The following DPH7 variants were observed in gnomAD, a reference collection of about 807,000 sequenced individuals.
The protein encoded by DPH7 is diphthamide biosynthesis 7.
In DPH7, 44 loss-of-function variants were observed where a neutral mutation model predicts 41.7. That is an observed-to-expected ratio of 1.05 (90% CI 0.83 to 1.36). The LOEUF (loss-of-function observed/expected upper bound fraction) is 1.36. Among genes scored for constraint, DPH7 ranks in the 40% most tolerant of loss-of-function variants. The probability of loss-of-function intolerance (pLI) is 0.00; values close to 1 mark genes in which losing one functional copy is unlikely to be tolerated. For synonymous variants in DPH7, 275 were observed against 238.0 expected, an observed-to-expected ratio of 1.16 and a Z score of -1.43; for missense variants, 629 against 577.5, an observed-to-expected ratio of 1.09 and a Z score of -0.91.
intron 6 of DPH7, 38 bp from the exon 7 acceptor site, chr9:137,564,996 C>T: frequency 6.2e-7 from 1 of 1,603,228 alleles, no homozygotes; most frequent in Non-Finnish European, 8.5e-7. Context: ...GTGTCCAGCA[C>T]ACAGACCCAC....
chr9:137,559,426 G>A (rs917975425), intron 8 of DPH7, among the ~76,000 whole-genome samples: 3 of 151,902 alleles, frequency 2.0e-5, no homozygotes, highest in African/African-American at 4.8e-5. Flanking sequence ...CCCTTTCCCC[G>A]GGGGAGTTTA....
rs767431168 is a variant in DPH7, at chr9:137,564,533, C to A, written c.850G>T (p.Gly284Trp). 3.7e-6 allele frequency: 6 copies of A among 1,614,028 alleles called. No homozygotes were observed. Among genetic ancestry groups the A allele is most frequent in the African/African-American group, 1.3e-5 (1 of 74,936 alleles). ...GGGTGCCACTTGATTCTCCATACCC[C>A]ACCCTGCACAGGCGTATCTGCCAAC... The part of the protein sequence containing the change: ...QPLADTPVQG[G>W]VWRIKWHPFH... Residue 284 changes from glycine (G) to tryptophan (W), a missense_variant, in exon 8 of 9, where the codon GGG (glycine) becomes TGG (tryptophan). By Grantham distance (184) the Gly-to-Trp change is radical. Transcript: ENST00000277540.
chr9:137,573,990 T>A (rs1382454151), intron 5 of DPH7, among the ~76,000 whole-genome samples: 1 of 152,132 alleles, frequency 6.6e-6, no homozygotes, highest in Non-Finnish European at 1.5e-5. Context: ...CGCTTGAACC[T>A]GGGAGGTGGA....
intron 4 of DPH7, 148 bp downstream of exon 4, chr9:137,574,604 T>C: frequency 1.1e-6 from 1 of 893,646 alleles, no homozygotes. Context: ...ATGGGGGACC[T>C]TTTTTTCATA....
At chr9:137,578,076 A>C (rs1054996958) in intron 1 of DPH7, 39 of 803,222 alleles carry the variant, frequency 4.9e-5, no homozygotes, top group South Asian at 5.7e-5. Flanking sequence ...CCAGCTACTC[A>C]GGGGGTTGAG....
intron 3 of DPH7, chr9:137,575,159 T>G: frequency 1.9e-6 from 2 of 1,078,424 alleles, no homozygotes; most frequent in Non-Finnish European, 2.3e-6. Context: ...GAGATGCCTG[T>G]GCAGGCTCCA....
chr9:137,570,454 C>G (rs1840241456), intron 5 of DPH7, among the ~76,000 whole-genome samples: 1 of 152,236 alleles, frequency 6.6e-6, no homozygotes, highest in Non-Finnish European at 1.5e-5. Flanking sequence ...CTCCACTACT[C>G]CAAACCTGCT....
chr9:137,561,947 C>T lies in DPH7; in HGVS notation c.949+2487G>A, dbSNP rs550832608. Among the ~76,000 whole-genome samples, 127 of 152,308 alleles carry T rather than the reference C, an allele frequency of 8.3e-4. 1 individual carries two copies. The highest frequency in any genetic ancestry group is 2.8e-3 in the African/African-American group (116 of 41,578). Reference sequence around the variant, plus strand: ...TGGCGCGATCTCGGCTCACTGCAAGCTCCGCCTCCTGGGTTCACGCCATTC... The same window carrying T: ...TGGCGCGATCTCGGCTCACTGCAAGTTCCGCCTCCTGGGTTCACGCCATTC... On this transcript the variant is annotated intron_variant, in intron 8 of 8. Coordinates refer to ENST00000277540, the MANE Select transcript of DPH7 (RefSeq NM_138778.5).
At chr9:137,558,566 C>T (rs987508377) in intron 8 of DPH7, among the ~76,000 whole-genome samples, 2 of 152,156 alleles carry the variant, frequency 1.3e-5, no homozygotes, top group South Asian at 4.2e-4. Flanking sequence ...TGTAAAGAAG[C>T]CGGATATAAA....
intron 5 of DPH7, among the ~76,000 whole-genome samples, chr9:137,568,807 C>G (rs994291599): frequency 6.6e-6 from 1 of 152,116 alleles, no homozygotes; most frequent in Non-Finnish European, 1.5e-5. Context: ...CAGGTGCAGG[C>G]GACCATTGTT....
intron 5 of DPH7, among the ~76,000 whole-genome samples, chr9:137,568,947 G>T (rs895397927): frequency 1.3e-5 from 2 of 152,134 alleles, no homozygotes; most frequent in Non-Finnish European, 2.9e-5. Flanking sequence ...ACAGGAGGCA[G>T]CAAGCACAAG....
chr9:137,562,476 C>A (rs1401481357), intron 8 of DPH7, among the ~76,000 whole-genome samples: 2 of 152,038 alleles, frequency 1.3e-5, no homozygotes, highest in East Asian at 1.9e-4. Context: ...AAGAAAAAAA[C>A]CACATGGGAA....
At chr9:137,560,366 G>T (rs78354100) in intron 8 of DPH7, among the ~76,000 whole-genome samples, 1 of 152,158 alleles carries the variant, frequency 6.6e-6, no homozygotes, top group Admixed American at 6.5e-5. Flanking sequence ...AACAGGTGGG[G>T]CAAGGACAGA....
intron 5 of DPH7, among the ~76,000 whole-genome samples, chr9:137,573,558 C>G (rs1353343361): frequency 1.3e-5 from 2 of 148,958 alleles, no homozygotes; most frequent in African/African-American, 5.0e-5. Flanking sequence ...TGGCGGGTGC[C>G]TGTAGTCCCA....
In DPH7 at chr9:137,565,168, G is replaced by A. The variant is rs568018136; in HGVS notation, c.641-14C>T. 1.9e-6 allele frequency: 3 copies of A among 1,613,792 alleles called. No individual in the cohort carries two copies. In the South Asian group the frequency reaches 3.3e-5, roughly 18 times the overall value. ...CATCGTCGCCCCCTGTGTGGAGAAA[G>A]AGAAGCATCAACACCACTAATGACA... On this transcript the variant is annotated splice_polypyrimidine_tract_variant and intron_variant, in intron 5 of 8. Transcript: ENST00000277540.
chr9:137,577,512 T>G lies in DPH7; in HGVS notation c.245A>C (p.Glu82Ala), dbSNP rs1390256264. 2.5e-6 allele frequency: 4 copies of G among 1,614,098 alleles called. No homozygotes were observed. The change falls in exon 2 of 9, where the codon GAG (glutamate) becomes GCG (alanine). Residue 82 changes from glutamate (E) to alanine (A), a missense_variant. Glu to Ala is a moderately radical substitution (Grantham distance 107). Transcript: ENST00000277540. ...TGCAGAAGTATCTTTTCTTTGGACC[T>G]CGACCAGAGGGTGAATAGAGTTGTT... The part of the protein sequence containing the change: ...NDNNSIHPLV[E>A]VQRKDTSAIL...
chr9:137,571,662 C>T (rs1840461003), intron 5 of DPH7, among the ~76,000 whole-genome samples: 1 of 151,818 alleles, frequency 6.6e-6, no homozygotes, highest in Non-Finnish European at 1.5e-5. Context: ...GCGGCAGGTG[C>T]CTATAATCCC....
chr9:137,563,341 A>G (rs764114253), intron 8 of DPH7, among the ~76,000 whole-genome samples: 4 of 151,704 alleles, frequency 2.6e-5, no homozygotes, highest in Non-Finnish European at 4.4e-5. Context: ...GACCAGCCTG[A>G]CCAACATGGT....
chr9:137,563,788 C>G (rs1839055487), intron 8 of DPH7, among the ~76,000 whole-genome samples: 1 of 152,032 alleles, frequency 6.6e-6, no homozygotes, highest in Non-Finnish European at 1.5e-5. Flanking sequence ...AGCTGCAAGT[C>G]AGGAGGGAAG....
Sources: allele counts gnomAD v4.1 joint callset (sites outside exome capture counted in the v4.1 genomes callset), GRCh38; gene constraint gnomAD v4.1.1; transcripts MANE v1.5; gene names NCBI Gene and HGNC (gene_info 2026-07-23, HGNC 2026-07-21).